SIPA1L1: variants seen among roughly 807,000 people sequenced by gnomAD.
SIPA1L1 encodes the protein signal induced proliferation associated 1 like 1.
SIPA1L1 carries 26 observed loss-of-function variants against 162.7 expected under a neutral mutation model. That is an observed-to-expected ratio of 0.16 (90% CI 0.12 to 0.22). The LOEUF (loss-of-function observed/expected upper bound fraction) is 0.22. Among genes scored for constraint, SIPA1L1 ranks in the 10% least tolerant of loss-of-function variants. The pLI is 1.00. For missense variants in SIPA1L1, 1,874 were observed against 2,241.0 expected (o/e 0.84, Z 3.31); for synonymous variants, 829 against 837.4 (o/e 0.99, Z 0.17).
chr14:71,403,912 C>G (rs777632781), intron 2 of SIPA1L1, among the ~76,000 whole-genome samples: 7 of 152,102 alleles, frequency 4.6e-5, no homozygotes, highest in Non-Finnish European at 7.3e-5. Flanking sequence ...TGCCTTGCCT[C>G]TGAAACTACT....
In SIPA1L1 at chr14:71,723,854, C is replaced by A. The variant is rs377300962; in HGVS notation, c.4416C>A (p.Thr1472=). 1.7e-5 allele frequency: 27 copies of A among 1,614,040 alleles called. No homozygotes were observed. The highest frequency in any genetic ancestry group is 2.0e-5 in the Non-Finnish European group (24 of 1,180,046). ...TTGGATGGAAAAAACCCGAAGGAAC[C>A]ATAAACTCCGTGGGATTTATGGACA... ...YLIGWKKPEG[T]INSVGFMDTR... Residue 1472 remains threonine (T), a synonymous_variant, in exon 18 of 24, where the codon ACC becomes ACA. Coordinates refer to ENST00000381232, the MANE Select transcript of SIPA1L1 (RefSeq NM_001386936.1).
intron 2 of SIPA1L1, among the ~76,000 whole-genome samples, chr14:71,366,321 C>T (rs990935678): frequency 6.6e-6 from 1 of 152,186 alleles, no homozygotes; most frequent in African/African-American, 2.4e-5. Context: ...ACCAGAAGCA[C>T]TGCAGAGAGA....
intron 5 of SIPA1L1, among the ~76,000 whole-genome samples, chr14:71,605,464 T>G (rs1487081336): frequency 6.6e-6 from 1 of 152,236 alleles, no homozygotes; most frequent in Non-Finnish European, 1.5e-5. Context: ...TTCTATGTCC[T>G]TACATTACTA....
intron 2 of SIPA1L1, among the ~76,000 whole-genome samples, chr14:71,509,865 G>A (rs1316745825): frequency 6.6e-6 from 1 of 152,108 alleles, no homozygotes; most frequent in Non-Finnish European, 1.5e-5. Context: ...TAAAGCAGAA[G>A]AGACAGGAAC....
At chr14:71,517,137 A>G (rs2051819987) in intron 3 of SIPA1L1, among the ~76,000 whole-genome samples, 1 of 151,858 alleles carries the variant, frequency 6.6e-6, no homozygotes, top group Non-Finnish European at 1.5e-5. Context: ...AGTGTGTGCC[A>G]TGGACTCACT....
chr14:71,403,320 C>T (rs915033632), intron 2 of SIPA1L1, among the ~76,000 whole-genome samples: 1 of 152,064 alleles, frequency 6.6e-6, no homozygotes. Context: ...AGAATCTTGG[C>T]CTGGCGCGGT....
intron 16 of SIPA1L1, among the ~76,000 whole-genome samples, chr14:71,708,027 TTG>T (rs531868638): frequency 0.011 from 387 of 34,616 alleles, no homozygotes; most frequent in East Asian, 0.043. Context: ...TTTTTTTTTT[TTG>T]TTTTTTTTTT....
chr14:71,640,477 A>G (rs75671368), intron 7 of SIPA1L1, among the ~76,000 whole-genome samples: 72 of 152,328 alleles, frequency 4.7e-4, no homozygotes, highest in South Asian at 1.4e-3. Context: ...TCCATCTAGC[A>G]TAAAGCAGCA....
Position 71,685,404 on chromosome 14 carries a change from A to G in SIPA1L1, c.3147A>G (p.Lys1049=). Residue 1049 remains lysine (K), a synonymous_variant, in exon 13 of 24, where the codon AAA becomes AAG. Transcript: ENST00000381232. ...ACCGCATGCCAGTGATGGAGTACAA[A>G]ATGAATGAAGGTGTTTCATACGAAT... The part of the protein sequence containing the change: ...ETYRMPVMEY[K]MNEGVSYEFK... 6.2e-7 allele frequency: 1 copy of G among 1,614,190 alleles called. No homozygotes were observed. The highest frequency in any genetic ancestry group is 8.5e-7 in the Non-Finnish European group (1 of 1,180,038).
chr14:71,511,003 A>G (rs1401602731), intron 2 of SIPA1L1, among the ~76,000 whole-genome samples: 13 of 152,104 alleles, frequency 8.5e-5, no homozygotes, highest in Non-Finnish European at 1.9e-4. Flanking sequence ...TATACTTACC[A>G]TTGATCTACT....
intron 2 of SIPA1L1, among the ~76,000 whole-genome samples, chr14:71,333,962 G>A (rs942014749): frequency 2.8e-4 from 43 of 152,210 alleles, no homozygotes; most frequent in Non-Finnish European, 1.2e-4. Flanking sequence ...GTGAGATGAT[G>A]TGGAGTGTGA....
intron 6 of SIPA1L1, among the ~76,000 whole-genome samples, chr14:71,621,734 C>T (rs561409182): frequency 1.3e-5 from 2 of 152,168 alleles, no homozygotes; most frequent in Non-Finnish European, 2.9e-5. Flanking sequence ...TTCAGTACAA[C>T]GTGCCCGATT....
intron 2 of SIPA1L1, among the ~76,000 whole-genome samples, chr14:71,491,813 C>CACACACACACA (rs1555437273): frequency 2.0e-4 from 30 of 147,696 alleles, no homozygotes; most frequent in South Asian, 1.1e-3. Flanking sequence ...CACACACACA[C>CACACACACACA]CCCTTCCCCC....
At chr14:71,446,376 A>G (rs1308355074) in intron 2 of SIPA1L1, among the ~76,000 whole-genome samples, 2 of 152,022 alleles carry the variant, frequency 1.3e-5, no homozygotes, top group Non-Finnish European at 2.9e-5. Flanking sequence ...TTTTATGTTT[A>G]GCATACCTTT....
At chr14:71,736,320 C>G (rs1445093610) in intron 22 of SIPA1L1, among the ~76,000 whole-genome samples, 1 of 152,154 alleles carries the variant, frequency 6.6e-6, no homozygotes. Context: ...TCACTTGAAC[C>G]CAGGAGGCGG....
intron 17 of SIPA1L1, among the ~76,000 whole-genome samples, chr14:71,720,295 G>C (rs2083606971): frequency 6.6e-6 from 1 of 152,054 alleles, no homozygotes; most frequent in Non-Finnish European, 1.5e-5. Flanking sequence ...TTACCCTTTT[G>C]ACAGGACAGG....
intron 14 of SIPA1L1, among the ~76,000 whole-genome samples, chr14:71,699,329 T>C (rs1041075710): frequency 1.1e-4 from 16 of 152,244 alleles, no homozygotes; most frequent in African/African-American, 3.9e-4. Flanking sequence ...TATCATCCTC[T>C]AGCCTCTACG....
chr14:71,707,001 C>T (rs1011681392), intron 16 of SIPA1L1, among the ~76,000 whole-genome samples: 9 of 149,132 alleles, frequency 6.0e-5, no homozygotes, highest in East Asian at 2.0e-4. Context: ...TGCCACTGCA[C>T]GCCAGCCTGG....
At chr14:71,587,157 CTG>C (rs1184947909) in intron 4 of SIPA1L1, among the ~76,000 whole-genome samples, 2 of 152,118 alleles carry the variant, frequency 1.3e-5, no homozygotes, top group African/African-American at 2.4e-5. Context: ...TCAAAAAACT[CTG>C]TTGCTCTAAT....
Sources: allele counts gnomAD v4.1 joint callset (sites outside exome capture counted in the v4.1 genomes callset), GRCh38; gene constraint gnomAD v4.1.1; transcripts MANE v1.5; gene names NCBI Gene and HGNC (gene_info 2026-07-23, HGNC 2026-07-21).